PATJ: variants seen among roughly 807,000 people sequenced by gnomAD.
PATJ encodes PATJ crumbs cell polarity complex component, also known as inaD-like protein.
In PATJ, 190 loss-of-function variants were observed where a neutral mutation model predicts 224.9. That is an observed-to-expected ratio of 0.84 (90% CI 0.75 to 0.95). PATJ has a LOEUF of 0.95. PATJ is among the 40% of genes least tolerant of loss of function. The pLI is 0.00. For missense variants in PATJ, 2,121 were observed against 2,270.3 expected (o/e 0.93, Z 1.34); for synonymous variants, 769 against 820.3 (o/e 0.94, Z 1.07).
At chr1:62,126,015 C>T (rs1330653785) in intron 39 of PATJ, among the ~76,000 whole-genome samples, 1 of 152,224 alleles carries the variant, frequency 6.6e-6, no homozygotes, top group Non-Finnish European at 1.5e-5. Flanking sequence ...GAGTGTTCCA[C>T]CCACCTCATC....
intron 25 of PATJ, among the ~76,000 whole-genome samples, chr1:61,910,734 G>A (rs1323915077): frequency 6.6e-6 from 1 of 151,260 alleles, no homozygotes; most frequent in Non-Finnish European, 1.5e-5. Context: ...TTTTCCCGCA[G>A]ACAGGGTCTC....
chr1:62,096,835 T>C (rs1226668100), intron 33 of PATJ, among the ~76,000 whole-genome samples: 1 of 152,198 alleles, frequency 6.6e-6, no homozygotes, highest in Non-Finnish European at 1.5e-5. Flanking sequence ...CAGGCTAGTC[T>C]TGAACTCCTG....
chr1:61,924,466 T>C (rs888781236), intron 26 of PATJ, among the ~76,000 whole-genome samples: 4 of 152,222 alleles, frequency 2.6e-5, no homozygotes, highest in African/African-American at 9.6e-5. Context: ...ATTCTCTTTC[T>C]TCAAGAGATT....
intron 17 of PATJ, among the ~76,000 whole-genome samples, chr1:61,843,508 C>T (rs1001826132): frequency 1.3e-5 from 2 of 152,032 alleles, no homozygotes; most frequent in Non-Finnish European, 2.9e-5. Flanking sequence ...GAGGCTGAGG[C>T]AGGAGGATTA....
At chr1:61,961,989 A>G (rs1439261166) in intron 27 of PATJ, among the ~76,000 whole-genome samples, 1 of 151,068 alleles carries the variant, frequency 6.6e-6, no homozygotes, top group Non-Finnish European at 1.5e-5. Context: ...AAAAAAAGAA[A>G]GAAAAGAAAT....
intron 26 of PATJ, among the ~76,000 whole-genome samples, chr1:61,923,839 A>G (rs1377755606): frequency 1.3e-5 from 2 of 149,368 alleles, no homozygotes; most frequent in Non-Finnish European, 3.0e-5. Flanking sequence ...GGAGACTCGC[A>G]TGAACCCAGG....
At chr1:62,074,812 A>C (rs1658027010) in intron 31 of PATJ, among the ~76,000 whole-genome samples, 1 of 152,032 alleles carries the variant, frequency 6.6e-6, no homozygotes, top group South Asian at 2.1e-4. Context: ...AAAAATACCA[A>C]AATTAGCCAG....
chr1:62,022,989 T>C (rs909007244), intron 29 of PATJ, among the ~76,000 whole-genome samples: 3 of 152,160 alleles, frequency 2.0e-5, no homozygotes, highest in African/African-American at 7.2e-5. Flanking sequence ...CTCGGATGCC[T>C]ATTTTAAAAA....
intron 27 of PATJ, among the ~76,000 whole-genome samples, chr1:61,961,806 TAAA>T (rs1006264727): frequency 1.0e-3 from 152 of 151,848 alleles, no homozygotes; most frequent in African/African-American, 3.5e-3. Context: ...CCGTCTCTAC[TAAA>T]AATACAAAAA....
At chr1:61,967,122 A>G (rs554239823) in intron 27 of PATJ, among the ~76,000 whole-genome samples, 1 of 152,274 alleles carries the variant, frequency 6.6e-6, no homozygotes, top group South Asian at 2.1e-4. Flanking sequence ...CTCTGGTTCA[A>G]ACACCTCTGA....
chr1:61,816,516 G>A (rs985182299), intron 14 of PATJ: 1 of 151,956 alleles, frequency 6.6e-6, no homozygotes, highest in African/African-American at 2.4e-5. Flanking sequence ...AAGTGTTCCA[G>A]AACTATTAAA....
chr1:62,128,859 A>C lies in PATJ; in HGVS notation c.5185A>C (p.Ser1729Arg). 6.2e-7 allele frequency: 1 copy of C among 1,611,584 alleles called. No individual in the cohort carries two copies. Among genetic ancestry groups the C allele is most frequent in the Non-Finnish European group, 8.5e-7 (1 of 1,177,798 alleles). ...QKLKVGDRIV[S>R]INGQPLDGLS... ...CTTCCAGGTTGGAGATCGGATTGTC[A>C]GCATTAACGGGCAACCTTTGGATGG... Residue 1729 changes from serine (S) to arginine (R), a missense_variant, in exon 41 of 44, where the codon AGC (serine) becomes CGC (arginine). Physicochemically the swap from Ser to Arg is moderately radical, Grantham distance 110 (BLOSUM62 -1). Coordinates refer to ENST00000642238, the MANE Select transcript of PATJ (RefSeq NM_001350145.3).
Position 61,750,765 on chromosome 1 carries a change from T to C in PATJ, c.-36+8210T>C, listed in dbSNP as rs142052118. ...CATTTTTCGGCGCTTGTAATGAAGT[T>C]CCAGGACGTAGTGTGGTAGAAGAGG... On this transcript the variant is annotated intron_variant, in intron 1 of 43. Transcript: ENST00000642238. Among the ~76,000 whole-genome samples the C allele has an allele frequency of 8.5e-3, 1,287 of 151,886 alleles. 21 individuals carry two copies. Among genetic ancestry groups the C allele is most frequent in the African/African-American group, 0.03 (1,243 of 41,410 alleles).
chr1:61,746,133 G>A (rs538178075), intron 1 of PATJ, among the ~76,000 whole-genome samples: 1 of 151,430 alleles, frequency 6.6e-6, no homozygotes, highest in African/African-American at 2.4e-5. Flanking sequence ...GTAGAGACAG[G>A]GTTTTGCCAT....
chr1:61,799,746 A>G (rs1652079577), intron 11 of PATJ, among the ~76,000 whole-genome samples: 1 of 151,998 alleles, frequency 6.6e-6, no homozygotes, highest in Non-Finnish European at 1.5e-5. Context: ...AGTGTTTATT[A>G]TCTTCTTCTG....
At chr1:61,979,524 G>A (rs140568438) in intron 27 of PATJ, among the ~76,000 whole-genome samples, 1,548 of 151,968 alleles carry the variant, frequency 0.01, 8 homozygotes, top group Non-Finnish European at 0.017. Flanking sequence ...GTGGTGGCGT[G>A]TACCTGTAAT....
intron 33 of PATJ, among the ~76,000 whole-genome samples, chr1:62,097,723 AAT>A (rs1490339081): frequency 6.6e-6 from 1 of 152,214 alleles, no homozygotes; most frequent in Non-Finnish European, 1.5e-5. Flanking sequence ...TAAACAAATA[AAT>A]AGTTGTTTTA....
At chr1:61,784,182 T>G (rs1648008757) in intron 7 of PATJ, among the ~76,000 whole-genome samples, 1 of 152,264 alleles carries the variant, frequency 6.6e-6, no homozygotes, top group South Asian at 2.1e-4. Flanking sequence ...ATCTATGGAT[T>G]AATAAAACTT....
chr1:62,022,250 C>T (rs540937670), intron 29 of PATJ, among the ~76,000 whole-genome samples: 62 of 152,290 alleles, frequency 4.1e-4, no homozygotes, highest in Non-Finnish European at 8.5e-4. Flanking sequence ...ACTAATTTAT[C>T]TATAATTGGC....
Sources: allele counts gnomAD v4.1 joint callset (sites outside exome capture counted in the v4.1 genomes callset), GRCh38; gene constraint gnomAD v4.1.1; transcripts MANE v1.5; gene names NCBI Gene and HGNC (gene_info 2026-07-23, HGNC 2026-07-21).